The following FREM1 variants were observed in gnomAD, a reference collection of about 807,000 sequenced individuals.
FREM1 encodes the protein FRAS1-related extracellular matrix protein 1.
Under a neutral mutation model 210.1 loss-of-function variants are expected in FREM1, and 220 were observed. That is an observed-to-expected ratio of 1.05 (90% CI 0.94 to 1.17). FREM1 has a LOEUF of 1.17. FREM1 is among the 50% of genes most tolerant of loss of function. FREM1 has a pLI of 0.00. For synonymous variants in FREM1, 1,189 were observed against 980.2 expected (o/e 1.21, Z -3.98); for missense variants, 3,454 against 2,675.5 (o/e 1.29, Z -6.42).
intron 2 of FREM1, 45 bp downstream of exon 2, chr9:14,868,699 G>T (rs541620019): frequency 2.5e-6 from 3 of 1,198,090 alleles, no homozygotes; most frequent in East Asian, 2.4e-5. Context: ...TCATACACTT[G>T]CATTCATACA....
At chr9:14,861,990 C>A (rs1830684476) in intron 3 of FREM1, among the ~76,000 whole-genome samples, 1 of 152,212 alleles carries the variant, frequency 6.6e-6, no homozygotes, top group African/African-American at 2.4e-5. Context: ...ACTACCCTTC[C>A]CACCCGCTCC....
At chr9:14,791,546 T>G (rs1188712019) in intron 22 of FREM1, among the ~76,000 whole-genome samples, 1 of 152,196 alleles carries the variant, frequency 6.6e-6, no homozygotes, top group Non-Finnish European at 1.5e-5. Flanking sequence ...GTCCAAGACT[T>G]TGCCCATCTG....
chr9:14,805,554 C>G (rs79008101), intron 18 of FREM1, among the ~76,000 whole-genome samples: 3 of 152,176 alleles, frequency 2.0e-5, no homozygotes, highest in African/African-American at 7.2e-5. Flanking sequence ...AAGAGTCAAT[C>G]AATCATCTGC....
chr9:14,800,744 C>G (rs568466932), intron 20 of FREM1, among the ~76,000 whole-genome samples: 1 of 152,294 alleles, frequency 6.6e-6, no homozygotes, highest in African/African-American at 2.4e-5. Context: ...CAATTACCTA[C>G]TACCTCTACC....
chr9:14,876,594 G>C (rs1259266147), intron 1 of FREM1, among the ~76,000 whole-genome samples: 1 of 152,136 alleles, frequency 6.6e-6, no homozygotes, highest in Non-Finnish European at 1.5e-5. Flanking sequence ...CCCTTTCTTT[G>C]ACTAGGAAAG....
Position 14,823,172 on chromosome 9 carries a change from A to C in FREM1, c.2325T>G (p.Asn775Lys). The part of the protein sequence containing the change: ...CFNITILPVD[N>K]QVPEAFTNPL... ...ACATTGTACATACCTCAGGAACTTG[A>C]TTGTCCACTGGGAGGATTGTAATGT... is the stretch of plus-strand genomic sequence containing the variant. The change falls in exon 13 of 37, where the codon AAT (asparagine) becomes AAG (lysine). Residue 775 changes from asparagine to lysine, a missense_variant. By Grantham distance (94) the Asn-to-Lys change is moderately conservative. Transcript: ENST00000380880. 1.2e-6 allele frequency: 2 copies of C among 1,613,548 alleles called. No homozygotes were observed. The highest frequency in any genetic ancestry group is 1.7e-6 in the Non-Finnish European group (2 of 1,179,616).
intron 1 of FREM1, among the ~76,000 whole-genome samples, chr9:14,883,460 G>C (rs1221807092): frequency 1.3e-5 from 2 of 152,120 alleles, no homozygotes; most frequent in African/African-American, 4.8e-5. Context: ...CAAGTATGTG[G>C]ACATTCCATG....
chr9:14,761,106 C>T (rs1845418560), intron 27 of FREM1, among the ~76,000 whole-genome samples: 1 of 151,968 alleles, frequency 6.6e-6, no homozygotes, highest in South Asian at 2.1e-4. Context: ...TTCTGGGTGC[C>T]ACCATATGGA....
At chr9:14,830,399 G>GT (rs1823328673) in intron 10 of FREM1, among the ~76,000 whole-genome samples, 1 of 152,144 alleles carries the variant, frequency 6.6e-6, no homozygotes, top group Non-Finnish European at 1.5e-5. Context: ...TTGAGCACTA[G>GT]TTTTCTACTG....
At chr9:14,765,940 A>C (rs977315054) in intron 27 of FREM1, among the ~76,000 whole-genome samples, 1 of 152,242 alleles carries the variant, frequency 6.6e-6, no homozygotes, top group African/African-American at 2.4e-5. Flanking sequence ...TGTGGTCCAC[A>C]AAAGTGCTTT....
chr9:14,772,740 G>A (rs954662721), intron 25 of FREM1, among the ~76,000 whole-genome samples: 4 of 152,182 alleles, frequency 2.6e-5, no homozygotes, highest in African/African-American at 9.7e-5. Flanking sequence ...GAGGGAAGAA[G>A]CTCCCACAAC....
chr9:14,822,372 A>G (rs146871525), intron 13 of FREM1, among the ~76,000 whole-genome samples: 6 of 152,268 alleles, frequency 3.9e-5, no homozygotes, highest in Non-Finnish European at 8.8e-5. Flanking sequence ...AGGAGTCAGG[A>G]AAGAGAACGC....
At chr9:14,814,232 T>A (rs1320191537) in intron 15 of FREM1, among the ~76,000 whole-genome samples, 3 of 152,228 alleles carry the variant, frequency 2.0e-5, no homozygotes, top group Non-Finnish European at 4.4e-5. Context: ...TATTTACGTA[T>A]AGAACCATCT....
chr9:14,847,313 A>G (rs1025956384), intron 7 of FREM1, among the ~76,000 whole-genome samples: 4 of 151,614 alleles, frequency 2.6e-5, no homozygotes, highest in African/African-American at 9.7e-5. Flanking sequence ...TGCTTTTAGT[A>G]TAGGGTTAGT....
chr9:14,867,764 G>A (rs1831820916), intron 2 of FREM1, among the ~76,000 whole-genome samples: 1 of 152,200 alleles, frequency 6.6e-6, no homozygotes, highest in Admixed American at 6.5e-5. Context: ...TCCAGAAGCA[G>A]CAGCAGCATC....
intron 19 of FREM1, among the ~76,000 whole-genome samples, chr9:14,803,526 T>G (rs1049486482): frequency 1.3e-5 from 2 of 151,852 alleles, no homozygotes; most frequent in Non-Finnish European, 2.9e-5. Context: ...CCTGGCTAAT[T>G]TTTAAAATTT....
intron 1 of FREM1, among the ~76,000 whole-genome samples, chr9:14,887,756 T>G (rs1337399626): frequency 3.9e-5 from 6 of 152,318 alleles, no homozygotes; most frequent in Non-Finnish European, 7.4e-5. Context: ...TTCCTATGCA[T>G]CTTTTCGTTT....
At chr9:14,892,101 C>A (rs1245911351) in intron 1 of FREM1, among the ~76,000 whole-genome samples, 1 of 152,084 alleles carries the variant, frequency 6.6e-6, no homozygotes, top group Non-Finnish European at 1.5e-5. Flanking sequence ...TTTCTGAGTA[C>A]CTAAGAACTC....
chr9:14,850,662 T>C (rs764540654), intron 6 of FREM1: 1 of 152,286 alleles, frequency 6.6e-6, no homozygotes, highest in Non-Finnish European at 1.5e-5. Flanking sequence ...CAAACCACCA[T>C]GGACATGTTT....
Sources: gnomAD v4.1 joint callset for allele counts (sites outside exome capture counted in the v4.1 genomes callset) on GRCh38, gnomAD v4.1.1 for gene constraint, MANE v1.5 for transcripts, NCBI Gene and HGNC (gene_info 2026-07-23, HGNC 2026-07-21) for gene names.